The following CRIM1 variants were observed in gnomAD, a reference collection of about 807,000 sequenced individuals.
The protein encoded by CRIM1 is cysteine-rich motor neuron 1 protein.
A neutral mutation model predicts 116.4 loss-of-function variants in CRIM1; 32 were observed. The ratio of observed to expected loss-of-function variants is 0.27; its 90% CI spans 0.21 to 0.37. CRIM1 has a LOEUF of 0.37. CRIM1 is among the 10% of genes least tolerant of loss of function. The probability of loss-of-function intolerance (pLI) is 1.00; values close to 1 mark genes in which losing one functional copy is unlikely to be tolerated. For missense variants in CRIM1, 1,331 were observed against 1,354.8 expected, an observed-to-expected ratio of 0.98 and a Z score of 0.28; for synonymous variants, 590 against 509.2, an observed-to-expected ratio of 1.16 and a Z score of -2.13.
At chr2:36,523,247 A>G (rs754029595) in intron 13 of CRIM1, among the ~76,000 whole-genome samples, 12 of 152,190 alleles carry the variant, frequency 7.9e-5, no homozygotes, top group Non-Finnish European at 1.8e-4. Flanking sequence ...AATATGAAAT[A>G]TTAATTTAAT....
chr2:36,478,056 C>G (rs957118717), intron 6 of CRIM1, among the ~76,000 whole-genome samples: 1 of 152,154 alleles, frequency 6.6e-6, no homozygotes, highest in African/African-American at 2.4e-5. Context: ...AGTGGGAGGG[C>G]ACAGTGTCAT....
chr2:36,464,478 G>A (rs896027254), intron 4 of CRIM1, 56 bp from the exon 5 acceptor site: 31 of 1,603,584 alleles, frequency 1.9e-5, no homozygotes, highest in Non-Finnish European at 2.5e-5. Context: ...GTGGTCTCCC[G>A]ACTTCTATGT....
At chr2:36,475,729 A>G (rs1309398061) in intron 5 of CRIM1, among the ~76,000 whole-genome samples, 1 of 152,204 alleles carries the variant, frequency 6.6e-6, no homozygotes, top group Non-Finnish European at 1.5e-5. Context: ...TGAGGATGCC[A>G]TTTATCAAGT....
intron 1 of CRIM1, among the ~76,000 whole-genome samples, chr2:36,376,944 C>G (rs1475724012): frequency 6.6e-6 from 1 of 152,174 alleles, no homozygotes; most frequent in Non-Finnish European, 1.5e-5. Context: ...GTATCACTCT[C>G]TCTAATGTAG....
At chr2:36,443,210 A>G (rs114001868) in intron 4 of CRIM1, among the ~76,000 whole-genome samples, 1,807 of 152,248 alleles carry the variant, frequency 0.012, 29 homozygotes, top group African/African-American at 0.039. Flanking sequence ...AATTCTTACA[A>G]TGCTTTCTGG....
chr2:36,493,651 C>G (rs1020725181), intron 7 of CRIM1, among the ~76,000 whole-genome samples: 11 of 152,102 alleles, frequency 7.2e-5, no homozygotes, highest in African/African-American at 2.7e-4. Flanking sequence ...ACACATTTCT[C>G]AAAGGAGATA....
intron 5 of CRIM1, among the ~76,000 whole-genome samples, chr2:36,467,223 T>A (rs1046619660): frequency 2.0e-5 from 3 of 152,206 alleles, no homozygotes; most frequent in Admixed American, 6.5e-5. Flanking sequence ...TTTGCTTTCT[T>A]CCTAATCCTG....
intron 14 of CRIM1, among the ~76,000 whole-genome samples, chr2:36,540,398 G>T (rs939597859): frequency 2.6e-5 from 4 of 152,118 alleles, no homozygotes; most frequent in Non-Finnish European, 5.9e-5. Flanking sequence ...GAAGTTGAGG[G>T]TCCTTGGAGG....
intron 13 of CRIM1, among the ~76,000 whole-genome samples, chr2:36,523,297 G>C (rs1665536461): frequency 6.6e-6 from 1 of 152,160 alleles, no homozygotes. Context: ...AATGGATTCT[G>C]TTTCAACCAC....
intron 13 of CRIM1, among the ~76,000 whole-genome samples, chr2:36,526,186 T>A (rs1480405254): frequency 6.6e-6 from 1 of 152,236 alleles, no homozygotes; most frequent in Non-Finnish European, 1.5e-5. Flanking sequence ...CCCTAATTTT[T>A]TTTTGTACTC....
intron 1 of CRIM1, among the ~76,000 whole-genome samples, chr2:36,363,215 A>G (rs1238111631): frequency 6.6e-6 from 1 of 151,850 alleles, no homozygotes; most frequent in Non-Finnish European, 1.5e-5. Context: ...AAAAAAAAAA[A>G]AAAGAACTTG....
At chr2:36,525,233 C>A (rs532980601) in intron 13 of CRIM1, among the ~76,000 whole-genome samples, 2 of 152,188 alleles carry the variant, frequency 1.3e-5, no homozygotes, top group African/African-American at 4.8e-5. Flanking sequence ...TTGCAAGTAG[C>A]GTTGTTAGAT....
rs140073251 is a variant in CRIM1, at chr2:36,398,832, A to T, written c.505+2045A>T. ...AAAAAGCATACTTATATTCAGGTAT[A>T]TATTGTATATGAAAGAATTAGTGAT... On this transcript the variant is annotated intron_variant, in intron 2 of 16. Coordinates refer to ENST00000280527, the MANE Select transcript of CRIM1 (RefSeq NM_016441.3). Among the ~76,000 whole-genome samples, 435 of 152,336 alleles carry T rather than the reference A, an allele frequency of 2.9e-3. 3 individuals carry two copies. The highest frequency in any genetic ancestry group is 8.8e-3 in the African/African-American group (365 of 41,574).
intron 11 of CRIM1, among the ~76,000 whole-genome samples, chr2:36,514,437 C>G (rs1417605946): frequency 1.3e-5 from 2 of 152,126 alleles, no homozygotes; most frequent in Non-Finnish European, 2.9e-5. Flanking sequence ...TCAACACAGT[C>G]TTATATCTAT....
At chr2:36,396,128 A>T (rs955139830) in intron 1 of CRIM1, among the ~76,000 whole-genome samples, 5 of 152,038 alleles carry the variant, frequency 3.3e-5, no homozygotes, top group African/African-American at 1.2e-4. Flanking sequence ...CAGGCTGGTC[A>T]TGAACTCCTG....
intron 5 of CRIM1, among the ~76,000 whole-genome samples, chr2:36,470,502 C>A (rs144816419): frequency 8.1e-4 from 123 of 152,274 alleles, no homozygotes; most frequent in African/African-American, 2.9e-3. Context: ...CTAAACCCCA[C>A]GGCTGTTAAG....
At chr2:36,419,486 T>A (rs764673137) in intron 2 of CRIM1, among the ~76,000 whole-genome samples, 6 of 152,214 alleles carry the variant, frequency 3.9e-5, no homozygotes, top group Non-Finnish European at 7.3e-5. Flanking sequence ...ATAGGTAGTT[T>A]TGATATTAGC....
chr2:36,420,858 G>C (rs1366506076), intron 2 of CRIM1, among the ~76,000 whole-genome samples: 1 of 152,200 alleles, frequency 6.6e-6, no homozygotes, highest in Non-Finnish European at 1.5e-5. Context: ...CAAGGGCTTT[G>C]AGTGTCATGG....
At chr2:36,532,491 A>T (rs967266624) in intron 13 of CRIM1, among the ~76,000 whole-genome samples, 1 of 152,222 alleles carries the variant, frequency 6.6e-6, no homozygotes, top group African/African-American at 2.4e-5. Flanking sequence ...CCACTCCTTG[A>T]TAGCACTGTG....
Sources: gnomAD v4.1 joint callset for allele counts (sites outside exome capture counted in the v4.1 genomes callset) on GRCh38, gnomAD v4.1.1 for gene constraint, MANE v1.5 for transcripts, NCBI Gene and HGNC (gene_info 2026-07-23, HGNC 2026-07-21) for gene names.